Variants in CDH1 observed in about 807,000 individuals in gnomAD.
CDH1 encodes the protein cadherin 1.
In CDH1, 35 loss-of-function variants were observed where a neutral mutation model predicts 84.5. The observed-to-expected ratio is 0.41, with a 90% CI of 0.32 to 0.55. The LOEUF (loss-of-function observed/expected upper bound fraction) is 0.55. CDH1 is among the 20% of genes least tolerant of loss of function. The pLI is 0.19. For synonymous variants in CDH1, 417 were observed against 439.0 expected (o/e 0.95, Z 0.63); for missense variants, 994 against 1,126.6 (o/e 0.88, Z 1.68).
At chr16:68,806,214 T>C (rs1314630554) in intron 3 of CDH1, among the ~76,000 whole-genome samples, 1 of 151,562 alleles carries the variant, frequency 6.6e-6, no homozygotes, top group South Asian at 2.1e-4. Flanking sequence ...TGCAGTGGCA[T>C]GATCTCAGCT....
intron 15 of CDH1, 76 bp downstream of exon 15, chr16:68,829,873 A>G (rs2152142585): frequency 1.4e-6 from 2 of 1,433,240 alleles, no homozygotes; most frequent in Non-Finnish European, 2.0e-6. Flanking sequence ...AATGAGAAAA[A>G]GAGTCTTTAG....
intron 2 of CDH1, among the ~76,000 whole-genome samples, chr16:68,738,936 CTTTTTTTTTTTTT>C (rs1555509828): frequency 3.5e-4 from 4 of 11,440 alleles, no homozygotes; most frequent in African/African-American, 4.6e-4. Context: ...GATATAAAAG[CTTTTTTTTTTTTT>C]TTTTTTTTTT....
chr16:68,750,534 G>A (rs1320479951), intron 2 of CDH1, among the ~76,000 whole-genome samples: 8 of 151,968 alleles, frequency 5.3e-5, no homozygotes, highest in East Asian at 1.9e-4. Context: ...TCAGGACCCC[G>A]TGGGATAATT....
chr16:68,808,333 C>T (rs2152129444), intron 3 of CDH1, 91 bp from the exon 4 acceptor site: 2 of 1,323,274 alleles, frequency 1.5e-6, no homozygotes, highest in Non-Finnish European at 2.2e-6. Context: ...CCACAGAAGG[C>T]TGGGGACGCT....
chr16:68,801,339 C>G (rs953291120), intron 2 of CDH1, among the ~76,000 whole-genome samples: 1 of 152,084 alleles, frequency 6.6e-6, no homozygotes. Context: ...TGGTCTCAAG[C>G]TCCTGACCTC....
intron 10 of CDH1, among the ~76,000 whole-genome samples, chr16:68,818,356 T>C (rs917717475): frequency 1.3e-5 from 2 of 152,018 alleles, no homozygotes; most frequent in African/African-American, 2.4e-5. Context: ...GAACATGACT[T>C]CTGCAATTTA....
rs1961536275 is a variant in CDH1 at position 68,833,354 on chromosome 16, A to G, written c.2504A>G (p.Tyr835Cys). The change falls in exon 16 of 16, where the codon TAT becomes TGT. Residue 835 changes from tyrosine (Y) to cysteine (C), a missense_variant. Around this residue, in one of 3 missense-constraint regions of CDH1, gnomAD observed 769 missense variants for 881.8 expected, o/e 0.87. Transcript: ENST00000261769. Reference sequence around the variant, plus strand: ...TATGATTCTCTGCTCGTGTTTGACTATGAAGGAAGCGGTTCCGAAGCTGCT... The same window carrying G: ...TATGATTCTCTGCTCGTGTTTGACTGTGAAGGAAGCGGTTCCGAAGCTGCT... ...PPYDSLLVFD[Y>C]EGSGSEAASL... 1 of 1,614,178 alleles carries G rather than the reference A, an allele frequency of 6.2e-7. No individual in the cohort carries two copies. The highest frequency in any genetic ancestry group is 1.1e-5 in the South Asian group (1 of 91,084).
At position 68,811,674 on chromosome 16, in the gene CDH1, A is replaced by G. The variant is rs1168685891; in HGVS notation, c.833-10A>G. The G allele has an allele frequency of 6.2e-7, 1 of 1,613,098 alleles. No homozygotes were observed. The highest frequency in any genetic ancestry group is 2.2e-5 in the East Asian group (1 of 44,830). ...CTTGTCTAAACCTTCATCTCCTTGA[A>G]CTCTTCCAGGAACCTCTGTGATGGA... On this transcript the variant is annotated splice_polypyrimidine_tract_variant and intron_variant, in intron 6 of 15. Coordinates refer to ENST00000261769, the MANE Select transcript of CDH1 (RefSeq NM_004360.5).
chr16:68,772,920 C>T (rs1467909180), intron 2 of CDH1, among the ~76,000 whole-genome samples: 1 of 152,140 alleles, frequency 6.6e-6, no homozygotes, highest in East Asian at 1.9e-4. Context: ...GAGTGACACC[C>T]AGTCTCAAAA....
intron 7 of CDH1, 71 bp downstream of exon 7, chr16:68,811,930 A>C (rs1178597539): frequency 2.6e-6 from 4 of 1,555,626 alleles, no homozygotes; most frequent in Non-Finnish European, 2.7e-6. Flanking sequence ...GGACAAAGCA[A>C]AATCCTGCTA....
chr16:68,828,667 A>T (rs566447050), intron 14 of CDH1, among the ~76,000 whole-genome samples: 10 of 152,224 alleles, frequency 6.6e-5, no homozygotes, highest in Non-Finnish European at 1.3e-4. Flanking sequence ...TCTCTTTGAC[A>T]TAGAACAACT....
rs3074434 is a variant in CDH1 at position 68,786,534 on chromosome 16, CTTTTTT to C, written c.164-15122_164-15117del. 8.2e-4 allele frequency among the ~76,000 whole-genome samples: 61 copies of C among 73,950 alleles called. 1 individual carries two copies. Among genetic ancestry groups the C allele is most frequent in the African/African-American group, 3.2e-3 (54 of 16,954 alleles). The allele number at this position is 73,950 out of a possible 152,430, so 48.5% of individuals were successfully genotyped here. ...CTTTCTGCTTTCTTTTTTTTTTTTT[CTTTTTT>C]TTTTTTTTTTTTTGGTATTCAGGAG... On this transcript the variant is annotated intron_variant, in intron 2 of 15. Coordinates refer to ENST00000261769, the MANE Select transcript of CDH1 (RefSeq NM_004360.5).
intron 2 of CDH1, among the ~76,000 whole-genome samples, chr16:68,793,980 C>T (rs1192351886): frequency 6.6e-6 from 1 of 150,552 alleles, no homozygotes; most frequent in Non-Finnish European, 1.5e-5. Flanking sequence ...CCCTACCACA[C>T]AGGACTGCTC....
chr16:68,784,255 A>G (rs963574442), intron 2 of CDH1, among the ~76,000 whole-genome samples: 4 of 152,184 alleles, frequency 2.6e-5, no homozygotes, highest in Non-Finnish European at 5.9e-5. Flanking sequence ...CATGATGTCC[A>G]AGGCCTTGGA....
chr16:68,748,599 T>G (rs758554924), intron 2 of CDH1, among the ~76,000 whole-genome samples: 9 of 152,204 alleles, frequency 5.9e-5, no homozygotes, highest in Non-Finnish European at 8.8e-5. Context: ...TAACCTGGGA[T>G]ATACATTTTT....
intron 2 of CDH1, among the ~76,000 whole-genome samples, chr16:68,740,363 T>G (rs1962531025): frequency 6.6e-6 from 1 of 152,204 alleles, no homozygotes. Context: ...TTGCTCTGTG[T>G]GCTCTAGAGC....
chr16:68,813,024 C>T (rs1372936955), intron 8 of CDH1, among the ~76,000 whole-genome samples: 1 of 152,094 alleles, frequency 6.6e-6, no homozygotes, highest in Non-Finnish European at 1.5e-5. Flanking sequence ...CGCCCATTGC[C>T]TGGCCTCTCC....
intron 2 of CDH1, among the ~76,000 whole-genome samples, chr16:68,759,729 G>T (rs1963114849): frequency 1.3e-5 from 2 of 152,248 alleles, no homozygotes; most frequent in Middle Eastern, 3.4e-3. Flanking sequence ...CACCTCAGGT[G>T]ATCTGCCTTG....
At position 68,834,174 on chromosome 16, in the gene CDH1, A is replaced by G. The variant is rs3200391; in HGVS notation, c.*675A>G. 1 of 488,886 alleles carries G rather than the reference A, an allele frequency of 2.0e-6. No individual in the cohort carries two copies. The highest frequency in any genetic ancestry group is 4.0e-6 in the Non-Finnish European group (1 of 247,204). The allele number at this position is 488,886 out of a possible 1,614,324, so 30.3% of individuals were successfully genotyped here. A position where few individuals can be genotyped will look rare whatever the true frequency, so the allele number is the denominator to read the frequency against. ...TCCCTGTGTTACCCAGGCTGGTCTC[A>G]AACTCCTGGGCTCAAGTGATCCTCC... is the stretch of plus-strand genomic sequence containing the variant. On this transcript the variant is annotated 3_prime_UTR_variant, in exon 16 of 16. Coordinates refer to ENST00000261769, the MANE Select transcript of CDH1 (RefSeq NM_004360.5).
Sources: allele counts gnomAD v4.1 joint callset (sites outside exome capture counted in the v4.1 genomes callset), GRCh38; gene constraint gnomAD v4.1.1; regional missense constraint gnomAD v4.1.1; transcripts MANE v1.5; gene names NCBI Gene and HGNC (gene_info 2026-07-23, HGNC 2026-07-21).